ANXA10: variants seen among roughly 807,000 people sequenced by gnomAD.
ANXA10 encodes the protein annexin A10, also known as annexin 14.
A neutral mutation model predicts 53.5 loss-of-function variants in ANXA10; 49 were observed. That is an observed-to-expected ratio of 0.92 (90% CI 0.73 to 1.16). ANXA10 has a LOEUF of 1.16. Among genes scored for constraint, ANXA10 ranks in the 50% most tolerant of loss-of-function variants. ANXA10 has a pLI of 0.00. For missense variants in ANXA10, 393 were observed against 394.4 expected (o/e 1.00, Z 0.03); for synonymous variants, 131 against 128.9 (o/e 1.02, Z -0.11).
At chr4:168,163,578 T>A (rs898807363) in intron 4 of ANXA10, among the ~76,000 whole-genome samples, 2 of 152,222 alleles carry the variant, frequency 1.3e-5, no homozygotes, top group Admixed American at 6.5e-5. Context: ...TGTTTATATG[T>A]TGCTGTTTTG....
intron 2 of ANXA10, among the ~76,000 whole-genome samples, chr4:168,131,670 C>T (rs1731158537): frequency 6.6e-6 from 1 of 151,954 alleles, no homozygotes; most frequent in Non-Finnish European, 1.5e-5. Flanking sequence ...TTTTGGCACT[C>T]TGTTGTTTGG....
intron 1 of ANXA10, among the ~76,000 whole-genome samples, chr4:168,102,153 C>T (rs936312582): frequency 1.1e-4 from 16 of 152,056 alleles, no homozygotes; most frequent in Admixed American, 8.5e-4. Context: ...TAGGGCACAT[C>T]CCCTCTCTCC....
At chr4:168,126,841 A>G (rs568547126) in intron 1 of ANXA10, among the ~76,000 whole-genome samples, 1 of 152,332 alleles carries the variant, frequency 6.6e-6, no homozygotes, top group East Asian at 1.9e-4. Flanking sequence ...TACTTCAAAT[A>G]GACAACTTCA....
intron 3 of ANXA10, among the ~76,000 whole-genome samples, chr4:168,142,598 G>T (rs1169520753): frequency 6.6e-6 from 1 of 152,168 alleles, no homozygotes; most frequent in Non-Finnish European, 1.5e-5. Flanking sequence ...GAGCTTGTTT[G>T]TATCTGTTTC....
rs532582086 is a variant in ANXA10, at chr4:168,177,384, A to C, written c.481-356A>C. On this transcript the variant is annotated intron_variant, in intron 6 of 11. Transcript: ENST00000359299. ...GGACTTTCTCTGCATTTTTGCTCTAACAATGTTAACACTCATTTCTAACAC... is the reference window on the plus strand; with the variant it reads ...GGACTTTCTCTGCATTTTTGCTCTACCAATGTTAACACTCATTTCTAACAC... 4.5e-4 allele frequency among the ~76,000 whole-genome samples: 69 copies of C among 152,300 alleles called. 1 individual carries two copies. Among genetic ancestry groups the C allele is most frequent in the African/African-American group, 1.5e-3 (64 of 41,566 alleles).
In ANXA10 at chr4:168,182,544, A is replaced by G. The variant is rs947435767; in HGVS notation, c.783+803A>G. 3.3e-4 allele frequency among the ~76,000 whole-genome samples: 49 copies of G among 149,018 alleles called. 1 individual carries two copies. Among genetic ancestry groups the G allele is most frequent in the African/African-American group, 1.2e-3 (47 of 40,868 alleles). The stretch of plus-strand genomic sequence containing the variant: ...GAGACGGGGTTTCACTGTGTTACCC[A>G]GGATGGTCTCGATTTCCTGACTTCG... On this transcript the variant is annotated intron_variant, in intron 10 of 11. Coordinates refer to ENST00000359299, the MANE Select transcript of ANXA10 (RefSeq NM_007193.5).
chr4:168,141,586 C>T (rs1316536506), intron 3 of ANXA10, among the ~76,000 whole-genome samples: 3 of 152,162 alleles, frequency 2.0e-5, no homozygotes, highest in Non-Finnish European at 2.9e-5. Context: ...GGGGAATCCT[C>T]GGTCCTTGAT....
At chr4:168,153,397 G>A (rs1363176487) in intron 3 of ANXA10, among the ~76,000 whole-genome samples, 2 of 100,442 alleles carry the variant, frequency 2.0e-5, no homozygotes, top group African/African-American at 3.9e-5. Context: ...AAAAACCATG[G>A]CTTCAAGCTG....
intron 3 of ANXA10, among the ~76,000 whole-genome samples, chr4:168,151,261 G>A (rs1044623447): frequency 1.3e-5 from 2 of 152,072 alleles, no homozygotes; most frequent in Admixed American, 6.6e-5. Flanking sequence ...AATAGAAAAA[G>A]CCATATAAGT....
chr4:168,112,459 T>C (rs1730824049), intron 1 of ANXA10, among the ~76,000 whole-genome samples: 1 of 152,150 alleles, frequency 6.6e-6, no homozygotes, highest in Non-Finnish European at 1.5e-5. Context: ...ATTTTCTCTT[T>C]TGGTTGCTAT....
chr4:168,162,712 T>C, intron 4 of ANXA10, 71 bp downstream of exon 4: 2 of 1,117,768 alleles, frequency 1.8e-6, no homozygotes, highest in Non-Finnish European at 2.7e-6. Context: ...GAAACTGCCC[T>C]GTGATGCTCC....
intron 3 of ANXA10, among the ~76,000 whole-genome samples, chr4:168,157,829 A>G (rs1208179126): frequency 6.6e-6 from 1 of 152,190 alleles, no homozygotes; most frequent in African/African-American, 2.4e-5. Context: ...GTGCATATAT[A>G]TACCAATATT....
At chr4:168,095,898 G>A (rs542468669) in intron 1 of ANXA10, among the ~76,000 whole-genome samples, 9 of 152,112 alleles carry the variant, frequency 5.9e-5, no homozygotes, top group Non-Finnish European at 1.0e-4. Flanking sequence ...ACTTAGCAGC[G>A]GTATCTTTAC....
At chr4:168,180,195 T>C (rs1356359087) in intron 9 of ANXA10, among the ~76,000 whole-genome samples, 1 of 152,106 alleles carries the variant, frequency 6.6e-6, no homozygotes, top group African/African-American at 2.4e-5. Flanking sequence ...TAGTATGCAA[T>C]AGATGACTAT....
At position 168,151,899 on chromosome 4, in the gene ANXA10, CTTAT is replaced by C. The variant is rs1220101412; in HGVS notation, c.196-10624_196-10621del. 2.0e-5 allele frequency among the ~76,000 whole-genome samples: 3 copies of C among 152,186 alleles called. No individual in the cohort carries two copies. The South Asian group carries it at 6.2e-4, about 31-fold the overall frequency. ...AACTGCTTGATGATAAGGACCTTCA[CTTAT>C]TTATGTTCAAATTGCCAAGAATGAC... On this transcript the variant is annotated intron_variant, in intron 3 of 11. Coordinates refer to ENST00000359299, the MANE Select transcript of ANXA10 (RefSeq NM_007193.5).
intron 3 of ANXA10, among the ~76,000 whole-genome samples, chr4:168,153,442 CAAAAA>C (rs1560782286): frequency 1.4e-4 from 6 of 42,928 alleles, no homozygotes; most frequent in Non-Finnish European, 2.9e-4. Flanking sequence ...AAAAAAAAAA[CAAAAA>C]CAAAAACAAA....
intron 1 of ANXA10, among the ~76,000 whole-genome samples, chr4:168,111,939 T>C (rs1730815608): frequency 6.6e-6 from 1 of 152,214 alleles, no homozygotes; most frequent in African/African-American, 2.4e-5. Context: ...CCTTGACATT[T>C]ATCTTCAAGA....
intron 2 of ANXA10, among the ~76,000 whole-genome samples, chr4:168,135,393 G>T (rs1474594926): frequency 6.6e-6 from 1 of 152,174 alleles, no homozygotes; most frequent in Non-Finnish European, 1.5e-5. Context: ...ACTGCAAGAG[G>T]CTGGGAGGAG....
intron 1 of ANXA10, among the ~76,000 whole-genome samples, chr4:168,097,728 G>A (rs1730574549): frequency 6.6e-6 from 1 of 152,112 alleles, no homozygotes; most frequent in East Asian, 1.9e-4. Flanking sequence ...TGGTCAGAGA[G>A]TAATAAATAT....
Sources: gnomAD v4.1 joint callset for allele counts (sites outside exome capture counted in the v4.1 genomes callset) on GRCh38, gnomAD v4.1.1 for gene constraint, MANE v1.5 for transcripts, NCBI Gene and HGNC (gene_info 2026-07-23, HGNC 2026-07-21) for gene names.